The following SCIN variants were observed in gnomAD, a reference collection of about 807,000 sequenced individuals.
SCIN encodes the protein adseverin.
Under a neutral mutation model 91.8 loss-of-function variants are expected in SCIN, and 91 were observed. That is an observed-to-expected ratio of 0.99 (90% confidence interval 0.84 to 1.18). The LOEUF is 1.18. Among genes scored for constraint, SCIN ranks in the 50% most tolerant of loss-of-function variants. The probability of loss-of-function intolerance (pLI) is 0.00; values close to 1 mark genes in which losing one functional copy is unlikely to be tolerated. For missense variants in SCIN, 1,087 were observed against 863.9 expected, an observed-to-expected ratio of 1.26 and a Z score of -3.24; for synonymous variants, 367 against 312.6, an observed-to-expected ratio of 1.17 and a Z score of -1.84.
chr7:12,636,477 G>A (rs1436476395), intron 10 of SCIN, among the ~76,000 whole-genome samples: 1 of 152,154 alleles, frequency 6.6e-6, no homozygotes, highest in African/African-American at 2.4e-5. Context: ...GATACAGTAG[G>A]CAGAATAATG....
At chr7:12,616,737 T>C (rs1314699965) in intron 4 of SCIN, among the ~76,000 whole-genome samples, 2 of 152,198 alleles carry the variant, frequency 1.3e-5, no homozygotes, top group East Asian at 3.9e-4. Context: ...CAAGACTATA[T>C]GGGAAAATAT....
chr7:12,631,899 C>T (rs1783650719), intron 9 of SCIN, among the ~76,000 whole-genome samples: 1 of 152,084 alleles, frequency 6.6e-6, no homozygotes, highest in Non-Finnish European at 1.5e-5. Flanking sequence ...AAATAGTGTG[C>T]TCCAATCTAC....
Position 12,629,192 on chromosome 7 carries a change from C to A in SCIN, c.1289C>A (p.Thr430Asn), listed in dbSNP as rs1783593118. 6.2e-7 allele frequency: 1 copy of A among 1,612,528 alleles called. No homozygotes were observed. The highest frequency in any genetic ancestry group is 1.3e-5 in the African/African-American group (1 of 74,794). The change falls in exon 9 of 16, where the codon ACC (threonine) becomes AAC (asparagine). Residue 430 changes from threonine (T) to asparagine (N), a missense_variant. Coordinates refer to ENST00000297029, the MANE Select transcript of SCIN (RefSeq NM_001112706.3). ...YGGDCYIILY[T>N]YPRGQIIYTW... ...GGTGACTGCTACATCATACTCTACA[C>A]CTATCCCAGAGGACAGATTATCTAC...
At chr7:12,571,104 G>A in intron 1 of SCIN, 119 bp downstream of exon 1, 3 of 1,139,130 alleles carry the variant, frequency 2.6e-6, no homozygotes, top group Non-Finnish European at 3.6e-6. Context: ...AGCCACTCGC[G>A]CCCCCACGGG....
At chr7:12,617,966 A>G (rs373038959) in intron 4 of SCIN, among the ~76,000 whole-genome samples, 4 of 152,140 alleles carry the variant, frequency 2.6e-5, no homozygotes, top group East Asian at 1.9e-4. Context: ...AGTAACTTGT[A>G]AGGTAACTTT....
chr7:12,612,816 T>G (rs1783223937), intron 4 of SCIN, among the ~76,000 whole-genome samples: 1 of 152,190 alleles, frequency 6.6e-6, no homozygotes, highest in Non-Finnish European at 1.5e-5. Flanking sequence ...TAGTAACAGC[T>G]TATCATATGC....
chr7:12,639,242 G>C (rs1294216264), intron 10 of SCIN, among the ~76,000 whole-genome samples: 1 of 152,124 alleles, frequency 6.6e-6, no homozygotes, highest in African/African-American at 2.4e-5. Flanking sequence ...TTTTCTCCAT[G>C]TTATATGAAA....
chr7:12,646,332 CTG>C (rs1200351319), intron 13 of SCIN, among the ~76,000 whole-genome samples: 2 of 152,224 alleles, frequency 1.3e-5, no homozygotes, highest in African/African-American at 4.8e-5. Context: ...TGAGGGACCA[CTG>C]TCTAGCCTTC....
Position 12,626,577 on chromosome 7 carries a change from A to T in SCIN, c.982-7A>T. 1 of 1,523,616 alleles carries T rather than the reference A, an allele frequency of 6.6e-7. No individual in the cohort carries two copies. The highest frequency in any genetic ancestry group is 8.9e-7 in the Non-Finnish European group (1 of 1,127,158). 94.4% of individuals were successfully genotyped at this position (1,523,616 alleles called of 1,614,324 possible). On this transcript the variant is annotated splice_region_variant and splice_polypyrimidine_tract_variant and intron_variant, in intron 7 of 15. Coordinates refer to ENST00000297029, the MANE Select transcript of SCIN (RefSeq NM_001112706.3). ...CTGTTTACTATTATTATTATTTTAA[A>T]TTTCAGATTCAAGTTCTTCCAGAAG...
At chr7:12,619,805 A>G (rs1280494641) in intron 4 of SCIN, among the ~76,000 whole-genome samples, 4 of 152,076 alleles carry the variant, frequency 2.6e-5, no homozygotes, top group East Asian at 1.9e-4. Flanking sequence ...GGAGCACCCA[A>G]TTCAGAATAA....
intron 4 of SCIN, among the ~76,000 whole-genome samples, chr7:12,614,632 A>G (rs1290416248): frequency 1.3e-5 from 2 of 152,012 alleles, no homozygotes; most frequent in African/African-American, 2.4e-5. Flanking sequence ...TCCCAAAGAG[A>G]CCCTCAGGCA....
At chr7:12,597,491 G>C (rs961676861) in intron 3 of SCIN, among the ~76,000 whole-genome samples, 1 of 152,160 alleles carries the variant, frequency 6.6e-6, no homozygotes, top group South Asian at 2.1e-4. Context: ...GGCTGTTTTG[G>C]GTGCTCCTTT....
chr7:12,578,887 G>A (rs1464269673), intron 2 of SCIN, among the ~76,000 whole-genome samples: 1 of 105,744 alleles, frequency 9.5e-6, no homozygotes, highest in Non-Finnish European at 2.0e-5. Flanking sequence ...ATCCCTTTAA[G>A]GCAGCCTTCA....
Position 12,570,785 on chromosome 7 carries a change from C to T in SCIN, c.-2C>T, listed in dbSNP as rs1249696970. On this transcript the variant is annotated 5_prime_UTR_variant, in exon 1 of 16. Transcript: ENST00000297029. ...TCCCCCGGAGCATCGCGTGCAGGAG[C>T]CATGGCGCGGGAGCTATACCACGAA... 2 of 1,550,100 alleles carry T rather than the reference C, an allele frequency of 1.3e-6. No individual in the cohort carries two copies. The highest frequency in any genetic ancestry group is 1.7e-6 in the Non-Finnish European group (2 of 1,146,276).
At chr7:12,575,149 A>T (rs1052993997) in intron 1 of SCIN, among the ~76,000 whole-genome samples, 1 of 151,846 alleles carries the variant, frequency 6.6e-6, no homozygotes, top group Admixed American at 6.6e-5. Context: ...CATTGTTTCT[A>T]TATAGAAATG....
At chr7:12,585,084 C>T (rs1400464948) in intron 3 of SCIN, among the ~76,000 whole-genome samples, 3 of 152,162 alleles carry the variant, frequency 2.0e-5, no homozygotes, top group Non-Finnish European at 4.4e-5. Context: ...CGCCCTCTCC[C>T]ATTGTCCAGT....
intron 4 of SCIN, among the ~76,000 whole-genome samples, chr7:12,613,099 A>G (rs184842149): frequency 1.4e-4 from 22 of 152,312 alleles, no homozygotes; most frequent in African/African-American, 5.0e-4. Context: ...TTTGCCCCAC[A>G]AGACGTATAT....
intron 1 of SCIN, 124 bp from the exon 2 acceptor site, chr7:12,577,940 G>T (rs1299076208): frequency 1.3e-6 from 1 of 776,918 alleles, no homozygotes. Flanking sequence ...AAAGATCTTT[G>T]TGTAGAAGAC....
chr7:12,617,044 G>A (rs768022706), intron 4 of SCIN, among the ~76,000 whole-genome samples: 12 of 152,212 alleles, frequency 7.9e-5, no homozygotes, highest in East Asian at 1.9e-4. Context: ...AGATCAGTAC[G>A]TGAACAAATA....
Sources: allele counts gnomAD v4.1 joint callset (sites outside exome capture counted in the v4.1 genomes callset), GRCh38; gene constraint gnomAD v4.1.1; transcripts MANE v1.5; gene names NCBI Gene and HGNC (gene_info 2026-07-23, HGNC 2026-07-21).